The following PHACTR1 variants were observed in gnomAD, a reference collection of about 807,000 sequenced individuals.
PHACTR1 encodes the protein phosphatase and actin regulator 1, also known as RPEL repeat containing 1.
PHACTR1 carries 16 observed loss-of-function variants against 69.2 expected under a neutral mutation model. That is an observed-to-expected ratio of 0.23 (90% CI 0.16 to 0.35). The LOEUF (loss-of-function observed/expected upper bound fraction) is 0.35. PHACTR1 is among the 10% of genes least tolerant of loss of function. PHACTR1 has a pLI of 1.00. For synonymous variants in PHACTR1, 312 were observed against 284.5 expected (o/e 1.10, Z -0.97); for missense variants, 510 against 734.7 (o/e 0.69, Z 3.54).
At chr6:13,023,952 C>T (rs1343146534) in intron 4 of PHACTR1, among the ~76,000 whole-genome samples, 2 of 152,056 alleles carry the variant, frequency 1.3e-5, no homozygotes, top group African/African-American at 2.4e-5. Context: ...TGGCACTTGC[C>T]TATAATTCCA....
chr6:12,927,798 T>A (rs1420972396), intron 4 of PHACTR1, among the ~76,000 whole-genome samples: 2 of 152,204 alleles, frequency 1.3e-5, no homozygotes, highest in East Asian at 3.9e-4. Flanking sequence ...GGCATCCTGA[T>A]GTCCACCTAT....
chr6:13,218,005 T>G (rs1767942872), intron 8 of PHACTR1, among the ~76,000 whole-genome samples: 1 of 152,254 alleles, frequency 6.6e-6, no homozygotes, highest in Non-Finnish European at 1.5e-5. Context: ...TGTTGAAGTT[T>G]AATTTGGCTT....
In PHACTR1 at chr6:13,138,756, G is replaced by A. The variant is rs567796814; in HGVS notation, c.416-21448G>A. ...TGGCCCAGCCACCCACTAACTAGGT[G>A]CATTTCCTTCCAGTGGTGACCTTGG... On this transcript the variant is annotated intron_variant, in intron 5 of 14. Transcript: ENST00000332995. Among the ~76,000 whole-genome samples the A allele has an allele frequency of 1.4e-3, 211 of 152,320 alleles. 3 individuals are homozygous for A. The South Asian group carries it at 0.017, about 12-fold the overall frequency.
At chr6:12,733,285 T>C (rs760485701) in intron 3 of PHACTR1, among the ~76,000 whole-genome samples, 1 of 152,224 alleles carries the variant, frequency 6.6e-6, no homozygotes, top group Non-Finnish European at 1.5e-5. Flanking sequence ...AACTGAGGCT[T>C]AGGGAAGACA....
intron 4 of PHACTR1, among the ~76,000 whole-genome samples, chr6:12,935,677 T>G (rs1789366509): frequency 1.3e-5 from 2 of 152,018 alleles, no homozygotes; most frequent in South Asian, 4.2e-4. Context: ...TTTGGGGTTT[T>G]GGGGTAGTGT....
At chr6:12,754,004 C>T (rs2127600419) in intron 4 of PHACTR1, among the ~76,000 whole-genome samples, 1 of 147,252 alleles carries the variant, frequency 6.8e-6, no homozygotes, top group African/African-American at 2.5e-5. Flanking sequence ...ACTCTGTCAC[C>T]CAGGCTGGAG....
intron 10 of PHACTR1, among the ~76,000 whole-genome samples, chr6:13,255,202 A>C (rs1775013774): frequency 6.6e-6 from 1 of 152,178 alleles, no homozygotes; most frequent in African/African-American, 2.4e-5. Flanking sequence ...GGAAGATGCC[A>C]CACACTTTTA....
intron 4 of PHACTR1, among the ~76,000 whole-genome samples, chr6:13,032,769 C>T (rs1369139010): frequency 6.6e-6 from 1 of 151,984 alleles, no homozygotes; most frequent in African/African-American, 2.4e-5. Flanking sequence ...ACCACCATGC[C>T]CTGCCTAATT....
chr6:12,749,675 A>C lies in PHACTR1; in HGVS notation c.135A>C (p.Thr45=). The change falls in exon 4 of 15, where the codon ACA becomes ACC. Residue 45 remains threonine, a synonymous_variant. Transcript: ENST00000332995. The part of the protein sequence containing the change: ...ARRATLLLPP[T]LMAASSEDDI... ...GGGCGACCCTGCTCCTGCCTCCCAC[A>C]TTAATGGCGGCATCCTCGGAGGATG... 1 of 1,606,638 alleles carries C rather than the reference A, an allele frequency of 6.2e-7. No homozygotes were observed. The highest frequency in any genetic ancestry group is 8.5e-7 in the Non-Finnish European group (1 of 1,176,836).
chr6:13,266,341 C>T (rs1408564472), intron 10 of PHACTR1, among the ~76,000 whole-genome samples: 2 of 152,102 alleles, frequency 1.3e-5, no homozygotes, highest in African/African-American at 2.4e-5. Flanking sequence ...TCCCCCAATC[C>T]CTTCTCCATA....
At chr6:13,060,539 G>T (rs1267452602) in intron 5 of PHACTR1, among the ~76,000 whole-genome samples, 2 of 152,194 alleles carry the variant, frequency 1.3e-5, no homozygotes, top group Non-Finnish European at 2.9e-5. Context: ...GTGCTGAGAA[G>T]TGAGGAGTAG....
At chr6:12,994,118 A>G (rs932660067) in intron 4 of PHACTR1, among the ~76,000 whole-genome samples, 1 of 152,240 alleles carries the variant, frequency 6.6e-6, no homozygotes, top group Non-Finnish European at 1.5e-5. Flanking sequence ...AATGAAAAAT[A>G]TAGTCTTTGA....
intron 4 of PHACTR1, among the ~76,000 whole-genome samples, chr6:12,964,363 C>G (rs1793163210): frequency 6.6e-6 from 1 of 152,102 alleles, no homozygotes; most frequent in African/African-American, 2.4e-5. Context: ...GATATTAATT[C>G]TGGCTAGAAA....
chr6:12,889,797 CTTTTT>C (rs4053036), intron 4 of PHACTR1, among the ~76,000 whole-genome samples: 31 of 132,972 alleles, frequency 2.3e-4, no homozygotes, highest in East Asian at 1.1e-3. Context: ...CTCCTTCTTC[CTTTTT>C]TTTTTTTTTT....
intron 5 of PHACTR1, among the ~76,000 whole-genome samples, chr6:13,064,507 TTAATA>T (rs1320080166): frequency 1.6e-5 from 2 of 126,716 alleles, no homozygotes; most frequent in Non-Finnish European, 3.3e-5. Flanking sequence ...AATAAGCAAA[TTAATA>T]TAATAAATTG....
chr6:13,273,634 A>T (rs1448237275), intron 11 of PHACTR1: 1 of 152,186 alleles, frequency 6.6e-6, no homozygotes, highest in Non-Finnish European at 1.5e-5. Context: ...ATACTAAAAG[A>T]GATCAAGCAT....
chr6:12,857,901 G>A (rs968480097), intron 4 of PHACTR1, among the ~76,000 whole-genome samples: 14 of 152,090 alleles, frequency 9.2e-5, no homozygotes, highest in African/African-American at 2.4e-4. Context: ...GTTTAAAGTC[G>A]GGAATTTACC....
At chr6:12,820,120 C>T (rs1360429232) in intron 4 of PHACTR1, among the ~76,000 whole-genome samples, 1 of 152,174 alleles carries the variant, frequency 6.6e-6, no homozygotes. Context: ...TTTATTACCT[C>T]CCTAACCTCT....
At chr6:13,077,174 C>CAA (rs199687356) in intron 5 of PHACTR1, among the ~76,000 whole-genome samples, 7 of 74,718 alleles carry the variant, frequency 9.4e-5, no homozygotes, top group Admixed American at 2.5e-4. Flanking sequence ...ATGATGCAAG[C>CAA]AAAAAAAAAA....
Sources: gnomAD v4.1 joint callset for allele counts (sites outside exome capture counted in the v4.1 genomes callset) on GRCh38, gnomAD v4.1.1 for gene constraint, MANE v1.5 for transcripts, NCBI Gene and HGNC (gene_info 2026-07-23, HGNC 2026-07-21) for gene names.